Variants in CDH18 observed in about 807,000 individuals in gnomAD.
The protein encoded by CDH18 is cadherin 18.
CDH18 carries 31 observed loss-of-function variants against 67.9 expected under a neutral mutation model. The ratio of observed to expected loss-of-function variants is 0.46; its 90% confidence interval spans 0.34 to 0.62. The LOEUF (loss-of-function observed/expected upper bound fraction) is 0.62, where lower values mean the gene tolerates loss of function less well. CDH18 is among the 20% of genes least tolerant of loss of function. The pLI, the probability that CDH18 is intolerant of heterozygous loss-of-function variation, is 0.01. For missense variants in CDH18, 890 were observed against 975.5 expected (o/e 0.91, Z 1.17); for synonymous variants, 362 against 347.2 (o/e 1.04, Z -0.48).
chr5:19,874,075 C>A (rs1204418146), intron 2 of CDH18, among the ~76,000 whole-genome samples: 1 of 152,132 alleles, frequency 6.6e-6, no homozygotes, highest in Admixed American at 6.5e-5. Flanking sequence ...AGAAGTATGT[C>A]ATTTCTCCAA....
At chr5:19,761,325 T>G (rs2149705188) in intron 3 of CDH18, among the ~76,000 whole-genome samples, 1 of 152,250 alleles carries the variant, frequency 6.6e-6, no homozygotes, top group Non-Finnish European at 1.5e-5. Context: ...AACTTAGGAG[T>G]AACCAACCAG....
chr5:20,003,974 A>T (rs1448659374), intron 2 of CDH18, among the ~76,000 whole-genome samples: 1 of 152,250 alleles, frequency 6.6e-6, no homozygotes, highest in Admixed American at 6.5e-5. Flanking sequence ...TTTTCTTGTC[A>T]GCAAATCTAG....
intron 2 of CDH18, among the ~76,000 whole-genome samples, chr5:20,090,069 A>G (rs1745289733): frequency 6.6e-6 from 1 of 152,216 alleles, no homozygotes; most frequent in South Asian, 2.1e-4. Context: ...GGGTATGACA[A>G]TTTCACATGG....
At chr5:19,774,533 G>GA (rs1774093548) in intron 3 of CDH18, among the ~76,000 whole-genome samples, 1 of 151,076 alleles carries the variant, frequency 6.6e-6, no homozygotes. Context: ...TTATGAAAGG[G>GA]ACCTCAGTCT....
chr5:19,560,896 A>G (rs994306484), intron 8 of CDH18, among the ~76,000 whole-genome samples: 2 of 152,180 alleles, frequency 1.3e-5, no homozygotes, highest in East Asian at 3.9e-4. Context: ...TGGCCAATAA[A>G]CAGATGAAAA....
At chr5:20,440,887 T>C (rs1484247079) in intron 1 of CDH18, among the ~76,000 whole-genome samples, 1 of 151,886 alleles carries the variant, frequency 6.6e-6, no homozygotes, top group African/African-American at 2.4e-5. Context: ...TTAAAATAAA[T>C]GAAGTAAGAG....
At chr5:19,657,555 T>G (rs1260163240) in intron 5 of CDH18, among the ~76,000 whole-genome samples, 1 of 152,130 alleles carries the variant, frequency 6.6e-6, no homozygotes, top group Non-Finnish European at 1.5e-5. Flanking sequence ...GTTTATACAG[T>G]TGCTGTTACT....
At chr5:19,866,787 G>C (rs1243235784) in intron 2 of CDH18, among the ~76,000 whole-genome samples, 4 of 151,972 alleles carry the variant, frequency 2.6e-5, no homozygotes, top group Non-Finnish European at 5.9e-5. Flanking sequence ...CATACAGTTA[G>C]GGCATTAAAA....
intron 2 of CDH18, among the ~76,000 whole-genome samples, chr5:19,877,014 C>T (rs979092153): frequency 1.9e-4 from 29 of 152,100 alleles, no homozygotes; most frequent in East Asian, 1.4e-3. Context: ...TTGAGGCCTT[C>T]GAAGAAGGCT....
chr5:19,870,366 G>A (rs1023132599), intron 2 of CDH18, among the ~76,000 whole-genome samples: 2 of 152,038 alleles, frequency 1.3e-5, no homozygotes, highest in African/African-American at 2.4e-5. Context: ...ACAGTTTTGG[G>A]AGAAAAGATA....
At chr5:20,410,499 A>T (rs1299475216) in intron 1 of CDH18, among the ~76,000 whole-genome samples, 1 of 151,768 alleles carries the variant, frequency 6.6e-6, no homozygotes, top group Non-Finnish European at 1.5e-5. Flanking sequence ...AATAATGGCC[A>T]TATCCTCTGC....
chr5:20,543,088 C>T (rs935966257), intron 1 of CDH18, among the ~76,000 whole-genome samples: 6 of 151,710 alleles, frequency 4.0e-5, no homozygotes, highest in Non-Finnish European at 8.8e-5. Flanking sequence ...AATGGCTTAA[C>T]CTCTTTTGAT....
At chr5:20,571,632 G>C (rs551736533) in intron 1 of CDH18, among the ~76,000 whole-genome samples, 1 of 152,112 alleles carries the variant, frequency 6.6e-6, no homozygotes, top group Admixed American at 6.6e-5. Context: ...TTTTCAAACA[G>C]AGAAAAATAA....
chr5:20,565,279 T>C (rs551308317), intron 1 of CDH18, among the ~76,000 whole-genome samples: 1 of 102,430 alleles, frequency 9.8e-6, no homozygotes, highest in East Asian at 2.2e-4. Flanking sequence ...ATCATAGACC[T>C]AAAGTTGTTG....
chr5:20,128,976 C>A (rs1235210182), intron 2 of CDH18, among the ~76,000 whole-genome samples: 1 of 151,952 alleles, frequency 6.6e-6, no homozygotes, highest in East Asian at 1.9e-4. Context: ...AAAACAATCA[C>A]CTGGCCATAG....
intron 1 of CDH18, among the ~76,000 whole-genome samples, chr5:20,295,868 T>C (rs1227028055): frequency 2.0e-5 from 2 of 99,508 alleles, no homozygotes; most frequent in African/African-American, 3.3e-5. Flanking sequence ...TCTTTCTTTT[T>C]TTTCTTTTTT....
chr5:19,544,891 G>A (rs1384622285), intron 8 of CDH18, among the ~76,000 whole-genome samples: 2 of 152,116 alleles, frequency 1.3e-5, no homozygotes, highest in Non-Finnish European at 2.9e-5. Context: ...GTGCCCCAGA[G>A]ATAAACAGAG....
intron 5 of CDH18, among the ~76,000 whole-genome samples, chr5:19,712,566 C>G (rs1012896997): frequency 2.7e-5 from 4 of 150,904 alleles, no homozygotes; most frequent in Non-Finnish European, 4.4e-5. Context: ...CCAGGAAGAT[C>G]AATAGACTAA....
chr5:19,961,926 A>G (rs1410339243), intron 2 of CDH18, among the ~76,000 whole-genome samples: 1 of 151,880 alleles, frequency 6.6e-6, no homozygotes. Flanking sequence ...TATTTTTTAA[A>G]CCAAACAATT....
Sources: allele counts gnomAD v4.1 joint callset (sites outside exome capture counted in the v4.1 genomes callset), GRCh38; gene constraint gnomAD v4.1.1; transcripts MANE v1.5; gene names NCBI Gene and HGNC (gene_info 2026-07-23, HGNC 2026-07-21).